The following NUP210L variants were observed in gnomAD, a reference collection of about 807,000 sequenced individuals.
The protein encoded by NUP210L is nuclear pore membrane glycoprotein 210-like.
In NUP210L, 74 loss-of-function variants were observed where a neutral mutation model predicts 208.5. That is an observed-to-expected ratio of 0.35 (90% CI 0.29 to 0.43). The LOEUF is 0.43. NUP210L is among the 20% of genes least tolerant of loss of function. The pLI is 1.00. For missense variants in NUP210L, 1,843 were observed against 2,289.4 expected, an observed-to-expected ratio of 0.81 and a Z score of 3.98; for synonymous variants, 780 against 816.9, an observed-to-expected ratio of 0.95 and a Z score of 0.77.
At chr1:154,049,166 T>C (rs1181764316) in intron 25 of NUP210L, among the ~76,000 whole-genome samples, 2 of 152,156 alleles carry the variant, frequency 1.3e-5, no homozygotes, top group South Asian at 2.1e-4. Context: ...TTGGAGTTGG[T>C]AAAGCCCCTG....
intron 2 of NUP210L, among the ~76,000 whole-genome samples, chr1:154,146,870 C>T (rs1271410441): frequency 1.3e-5 from 2 of 152,122 alleles, no homozygotes; most frequent in Non-Finnish European, 2.9e-5. Context: ...GTCACCGAGG[C>T]TGGAGAGCAG....
At chr1:154,119,450 G>A (rs372227525) in intron 10 of NUP210L, among the ~76,000 whole-genome samples, 21 of 152,128 alleles carry the variant, frequency 1.4e-4, no homozygotes, top group South Asian at 2.1e-4. Context: ...TCAGCTGAGC[G>A]TGTGGTGCAT....
Position 154,142,647 on chromosome 1 carries a change from T to A in NUP210L, c.472+799A>T, listed in dbSNP as rs549051939. On this transcript the variant is annotated intron_variant, in intron 3 of 39. Coordinates refer to ENST00000368559, the Ensembl canonical transcript of NUP210L. ...GGCTCATGCCTGTAATCCCAACACT[T>A]TGGGAGGCCGAGGAAGGCAGATCAC... Among the ~76,000 whole-genome samples the A allele has an allele frequency of 2.6e-5, 4 of 152,026 alleles. No homozygotes were observed. The South Asian group carries it at 8.3e-4, about 32-fold the overall frequency.
Position 154,074,488 on chromosome 1 carries a change from A to AT in NUP210L, c.2362-4024dup, listed in dbSNP as rs113689298. On this transcript the variant is annotated intron_variant, in intron 16 of 39. Transcript: ENST00000368559. ...CCTTGAGCATCACTATGGGATCACG[A>AT]TTTTTTTTTTTTTTTTTTGAGACGG... Among the ~76,000 whole-genome samples, 378 of 125,770 alleles carry AT rather than the reference A, an allele frequency of 3.0e-3. 2 individuals carry two copies. Among genetic ancestry groups the AT allele is most frequent in the Middle Eastern group, 8.2e-3 (2 of 244 alleles). The allele number at this position is 125,770 out of a possible 152,430, so 82.5% of individuals were successfully genotyped here.
intron 13 of NUP210L, 61 bp downstream of exon 13, chr1:154,103,951 G>C (rs1557978664): frequency 1.1e-5 from 14 of 1,290,418 alleles, no homozygotes; most frequent in Non-Finnish European, 1.1e-5. Flanking sequence ...TGTCACAGTG[G>C]TAGAGTTAAA....
chr1:153,996,652 C>T (rs1649884074), intron 37 of NUP210L, among the ~76,000 whole-genome samples: 1 of 152,080 alleles, frequency 6.6e-6, no homozygotes, highest in South Asian at 2.1e-4. Flanking sequence ...AACTCCTGAC[C>T]TCAGGTGATC....
chr1:154,033,926 A>T lies in NUP210L; in HGVS notation c.3697-3872T>A, dbSNP rs578128785. Among the ~76,000 whole-genome samples the T allele has an allele frequency of 9.2e-5, 14 of 151,674 alleles. No homozygotes were observed. In the East Asian group the frequency reaches 2.1e-3, roughly 23 times the overall value. The stretch of plus-strand genomic sequence containing the variant: ...TTTGTGTGTCTTCTTCATTTATTTT[A>T]TTTATTTATTTTTTTGAGATGGTGT... On this transcript the variant is annotated intron_variant, in intron 27 of 39. Transcript: ENST00000368559.
intron 2 of NUP210L, 139 bp from the exon 3 acceptor site, chr1:154,143,716 C>T: frequency 1.6e-6 from 1 of 639,640 alleles, no homozygotes; most frequent in South Asian, 2.8e-5. Flanking sequence ...AAGAAAATAG[C>T]ATAATAATAA....
intron 39 of NUP210L, 37 bp downstream of exon 39, chr1:153,992,974 GTATC>G: frequency 6.2e-7 from 1 of 1,607,342 alleles, no homozygotes; most frequent in Non-Finnish European, 8.5e-7. Flanking sequence ...TTAAACGTGT[GTATC>G]TGAGCTTTTC....
intron 15 of NUP210L, among the ~76,000 whole-genome samples, chr1:154,093,347 G>GA (rs1656024193): frequency 6.6e-6 from 1 of 152,014 alleles, no homozygotes. Context: ...AGAATCACTT[G>GA]AACCCAGGAG....
In NUP210L at chr1:154,025,522, T is replaced by A. The variant is rs769963256; in HGVS notation, c.4122+20A>T. ...ATGACTTTTATTTATTTGTTTTTTT[T>A]AGTAAGTCCATGAACTCACCTGGAC... On this transcript the variant is annotated intron_variant, in intron 30 of 39. Coordinates refer to ENST00000368559, the Ensembl canonical transcript of NUP210L. The A allele has an allele frequency of 2.7e-6, 4 of 1,456,138 alleles. No homozygotes were observed. Among genetic ancestry groups the A allele is most frequent in the Non-Finnish European group, 3.7e-6 (4 of 1,090,580 alleles). 90.2% of individuals were successfully genotyped at this position (1,456,138 alleles called of 1,614,324 possible). A position where few individuals can be genotyped will look rare whatever the true frequency, so the allele number is the denominator to read the frequency against.
rs1553221844 is a variant in NUP210L at position 154,015,749 on chromosome 1, A to ACC, written c.4653+3182_4653+3183dup. The stretch of plus-strand genomic sequence containing the variant: ...CACACACACACACACACACACACAC[A>ACC]CCCCACAGAATTAGCCGAGTGTGGT... On this transcript the variant is annotated intron_variant, in intron 33 of 39. Transcript: ENST00000368559. Among the ~76,000 whole-genome samples the ACC allele has an allele frequency of 7.2e-4, 106 of 147,486 alleles. 2 individuals carry two copies. The highest frequency in any genetic ancestry group is 1.6e-3 in the Admixed American group (24 of 14,592).
chr1:154,112,222 T>C (rs1389634151), intron 12 of NUP210L, among the ~76,000 whole-genome samples: 1 of 152,158 alleles, frequency 6.6e-6, no homozygotes, highest in Admixed American at 6.6e-5. Context: ...CCACTGCACC[T>C]GGCCTCAACA....
rs78479192 is a variant in NUP210L at position 154,037,052 on chromosome 1, C to A, written c.3697-6998G>T. On this transcript the variant is annotated intron_variant, in intron 27 of 39. Transcript: ENST00000368559. ...TGCTGGGAATTACAAGCAAGAGCCA[C>A]AATGACTGGCCAAAATTTTTTTAAT... Among the ~76,000 whole-genome samples the A allele has an allele frequency of 3.7e-3, 569 of 152,300 alleles. 32 individuals carry two copies. In the East Asian group the frequency reaches 0.1, roughly 27 times the overall value.
At chr1:154,001,442 C>T (rs1269445694) in intron 36 of NUP210L, among the ~76,000 whole-genome samples, 2 of 152,128 alleles carry the variant, frequency 1.3e-5, no homozygotes. Flanking sequence ...GTGATCCACC[C>T]ACTTTGGCCT....
At chr1:154,126,400 C>T in exon 10 of NUP210L, 1 of 1,613,030 alleles carries the variant, frequency 6.2e-7, no homozygotes, top group South Asian at 1.1e-5. Context: ...TGGTAAGATC[C>T]ATTCACGGTA....
intron 12 of NUP210L, among the ~76,000 whole-genome samples, chr1:154,105,827 C>T (rs1482384622): frequency 6.6e-6 from 1 of 152,142 alleles, no homozygotes; most frequent in East Asian, 1.9e-4. Context: ...GAGACCCAGG[C>T]CTGGTAGCAT....
intron 2 of NUP210L, among the ~76,000 whole-genome samples, chr1:154,149,848 T>A (rs1011221098): frequency 6.6e-6 from 1 of 152,250 alleles, no homozygotes; most frequent in African/African-American, 2.4e-5. Flanking sequence ...TAACAGATAT[T>A]TTTATTTACA....
intron 34 of NUP210L, among the ~76,000 whole-genome samples, chr1:154,011,122 C>T (rs1045571903): frequency 2.0e-5 from 3 of 151,794 alleles, no homozygotes; most frequent in Non-Finnish European, 4.4e-5. Flanking sequence ...TCAGCAAAAT[C>T]AAAGGGACTG....
Sources: allele counts gnomAD v4.1 joint callset (sites outside exome capture counted in the v4.1 genomes callset), GRCh38; gene constraint gnomAD v4.1.1; transcripts MANE v1.5; gene names NCBI Gene and HGNC (gene_info 2026-07-23, HGNC 2026-07-21).